Variants in FCHSD2 observed in about 807,000 individuals in gnomAD.
FCHSD2 encodes the protein F-BAR and double SH3 domains protein 2.
FCHSD2 carries 38 observed loss-of-function variants against 108.1 expected under a neutral mutation model. That is an observed-to-expected ratio of 0.35 (90% CI 0.27 to 0.46). The LOEUF is 0.46. FCHSD2 is among the 20% of genes least tolerant of loss of function. The pLI is 1.00. For synonymous variants in FCHSD2, 279 were observed against 314.7 expected (o/e 0.89, Z 1.20); for missense variants, 751 against 897.8 (o/e 0.84, Z 2.09).
chr11:73,134,174 G>T lies in FCHSD2; in HGVS notation c.119+5857C>A, dbSNP rs149135783. ...TAGATACAACAGTCTCTGAGACACT[G>T]AAAAAAAGTCTCAGCACCATGCACA... On this transcript the variant is annotated intron_variant, in intron 2 of 19. Transcript: ENST00000409418. Among the ~76,000 whole-genome samples, 121 of 151,896 alleles carry T rather than the reference G, an allele frequency of 8.0e-4. 4 individuals are homozygous for T. In the East Asian group the frequency reaches 0.023, roughly 28 times the overall value.
At chr11:73,045,383 A>G (rs1278702798) in intron 3 of FCHSD2, among the ~76,000 whole-genome samples, 5 of 150,472 alleles carry the variant, frequency 3.3e-5, no homozygotes, top group African/African-American at 9.8e-5. Context: ...ATCTAGAACT[A>G]GAAATACCAT....
chr11:72,838,602 A>G lies in FCHSD2; in HGVS notation c.*189T>C. The G allele has an allele frequency of 1.7e-6, 1 of 597,204 alleles. No homozygotes were observed. The highest frequency in any genetic ancestry group is 2.8e-5 in the East Asian group (1 of 36,036). The allele number at this position is 597,204 out of a possible 1,614,324, so 37.0% of individuals were successfully genotyped here. On this transcript the variant is annotated 3_prime_UTR_variant, in exon 20 of 20. Coordinates refer to ENST00000409418, the MANE Select transcript of FCHSD2 (RefSeq NM_014824.3). ...TAGGAGAAATGACATAGAAAATGAC[A>G]ACAAAAAAAAAAGGCACGAAATATT...
intron 9 of FCHSD2, among the ~76,000 whole-genome samples, chr11:72,908,021 C>A (rs758142811): frequency 1.3e-5 from 2 of 152,160 alleles, no homozygotes; most frequent in Admixed American, 6.5e-5. Context: ...TGGCTCCCCC[C>A]ACATCTGACT....
intron 1 of FCHSD2, 137 bp downstream of exon 1, chr11:73,141,720 G>C: frequency 1.1e-6 from 1 of 905,848 alleles, no homozygotes; most frequent in Non-Finnish European, 1.6e-6. Context: ...CCTGGAGCCG[G>C]CGGCAAGTCG....
At chr11:73,038,420 C>T (rs77393561) in intron 3 of FCHSD2, among the ~76,000 whole-genome samples, 5,201 of 151,742 alleles carry the variant, frequency 0.034, 212 homozygotes, top group African/African-American at 0.1. Flanking sequence ...TTTATCCAGT[C>T]GAATCCTCTC....
intron 13 of FCHSD2, among the ~76,000 whole-genome samples, chr11:72,864,479 A>T (rs1420546539): frequency 6.6e-6 from 1 of 152,188 alleles, no homozygotes; most frequent in African/African-American, 2.4e-5. Flanking sequence ...CCAAAGGTTG[A>T]GACTGCAGTG....
At chr11:73,022,856 G>A (rs771441364) in intron 3 of FCHSD2, among the ~76,000 whole-genome samples, 6 of 152,048 alleles carry the variant, frequency 3.9e-5, no homozygotes, top group Non-Finnish European at 7.4e-5. Context: ...ATAGATCAGT[G>A]GAACAAAAGA....
intron 8 of FCHSD2, among the ~76,000 whole-genome samples, chr11:72,974,954 G>A (rs1461250463): frequency 6.6e-6 from 1 of 152,082 alleles, no homozygotes; most frequent in African/African-American, 2.4e-5. Flanking sequence ...AGCTAGAGAC[G>A]ACAGAGAAAC....
chr11:73,115,113 A>G (rs1860574280), intron 2 of FCHSD2, among the ~76,000 whole-genome samples: 1 of 152,182 alleles, frequency 6.6e-6, no homozygotes, highest in Non-Finnish European at 1.5e-5. Context: ...CTGGGCTGGG[A>G]GATTCCCCTC....
At chr11:73,079,530 C>T (rs1859633886) in intron 3 of FCHSD2, among the ~76,000 whole-genome samples, 1 of 152,020 alleles carries the variant, frequency 6.6e-6, no homozygotes. Flanking sequence ...TGCAACTGTC[C>T]TCTCTGACCA....
At chr11:73,060,829 A>G (rs1415618193) in intron 3 of FCHSD2, among the ~76,000 whole-genome samples, 1 of 152,064 alleles carries the variant, frequency 6.6e-6, no homozygotes, top group African/African-American at 2.4e-5. Flanking sequence ...TGCAAAGTAA[A>G]GGAAACTAAA....
chr11:72,893,829 C>T (rs1360722762), intron 10 of FCHSD2, among the ~76,000 whole-genome samples: 2 of 151,450 alleles, frequency 1.3e-5, no homozygotes. Context: ...TATTAAATAA[C>T]TTTGAAGAAC....
Position 72,837,849 on chromosome 11 carries a change from G to A in FCHSD2, c.*942C>T, listed in dbSNP as rs979782010. ...CCTGGCTGTCTGGGCCGGTCTGCTG[G>A]CTTGGGAATAAAATAATGCCGGGGC... On this transcript the variant is annotated 3_prime_UTR_variant, in exon 20 of 20. Transcript: ENST00000409418. 1 of 152,226 alleles carries A rather than the reference G, an allele frequency of 6.6e-6. No individual in the cohort carries two copies. Among genetic ancestry groups the A allele is most frequent in the African/African-American group, 2.4e-5 (1 of 41,444 alleles). The allele number at this position is 152,226 out of a possible 1,614,324, so 9.4% of individuals were successfully genotyped here. A position where few individuals can be genotyped will look rare whatever the true frequency, so the allele number is the denominator to read the frequency against.
At chr11:72,907,498 G>T (rs1452197329) in intron 9 of FCHSD2, among the ~76,000 whole-genome samples, 2 of 151,364 alleles carry the variant, frequency 1.3e-5, no homozygotes, top group African/African-American at 4.9e-5. Flanking sequence ...ATTATTTTGA[G>T]ATATGTTCCA....
intron 19 of FCHSD2, among the ~76,000 whole-genome samples, 193 bp downstream of exon 19, chr11:72,840,684 G>A (rs1207865298): frequency 6.6e-6 from 1 of 152,180 alleles, no homozygotes; most frequent in Non-Finnish European, 1.5e-5. Context: ...AAGTTCCAGT[G>A]TAGATTAAAT....
intron 2 of FCHSD2, among the ~76,000 whole-genome samples, chr11:73,102,583 T>G (rs1472947888): frequency 6.6e-6 from 1 of 152,252 alleles, no homozygotes; most frequent in Non-Finnish European, 1.5e-5. Flanking sequence ...GAAGTTTAAT[T>G]GCCATTATAA....
intron 8 of FCHSD2, among the ~76,000 whole-genome samples, chr11:72,969,351 T>C (rs1565347234): frequency 6.6e-6 from 1 of 152,214 alleles, no homozygotes; most frequent in Admixed American, 6.5e-5. Flanking sequence ...AAAAATCGGA[T>C]TAGAACTGTG....
intron 8 of FCHSD2, among the ~76,000 whole-genome samples, chr11:72,927,468 G>A (rs1856099425): frequency 6.6e-6 from 1 of 152,146 alleles, no homozygotes; most frequent in Admixed American, 6.5e-5. Flanking sequence ...GATAGTGGGA[G>A]GAATTGTATG....
intron 7 of FCHSD2, 135 bp downstream of exon 7, chr11:72,984,927 G>A (rs1358024134): frequency 1.9e-6 from 1 of 517,548 alleles, no homozygotes; most frequent in African/African-American, 2.0e-5. Context: ...GGGAGGGAAA[G>A]TTCCTCCCTG....
Sources: gnomAD v4.1 joint callset for allele counts (sites outside exome capture counted in the v4.1 genomes callset) on GRCh38, gnomAD v4.1.1 for gene constraint, MANE v1.5 for transcripts, NCBI Gene and HGNC (gene_info 2026-07-23, HGNC 2026-07-21) for gene names.